ARID5B: variants seen among roughly 807,000 people sequenced by gnomAD.
The protein encoded by ARID5B is AT-rich interaction domain 5B.
ARID5B carries 13 observed loss-of-function variants against 97.2 expected under a neutral mutation model. The ratio of observed to expected loss-of-function variants is 0.13; its 90% CI spans 0.09 to 0.21. The LOEUF (loss-of-function observed/expected upper bound fraction) is 0.21, where lower values mean the gene tolerates loss of function less well. Among genes scored for constraint, ARID5B ranks in the 10% least tolerant of loss-of-function variants. The pLI, the probability that ARID5B is intolerant of heterozygous loss-of-function variation, is 1.00. For missense variants in ARID5B, 1,210 were observed against 1,465.3 expected (o/e 0.83, Z 2.84); for synonymous variants, 556 against 570.3 (o/e 0.97, Z 0.36).
Position 61,941,925 on chromosome 10 carries a change from T to G in ARID5B, c.502+1517T>G, listed in dbSNP as rs868310580. On this transcript the variant is annotated intron_variant, in intron 3 of 9. Coordinates refer to ENST00000279873, the MANE Select transcript of ARID5B (RefSeq NM_032199.3). ...TTGCGGTAATGCTGAATAATACATC[T>G]GTTGTGTTACTTTCCTAATGTATGA... Among the ~76,000 whole-genome samples the G allele has an allele frequency of 3.3e-5, 5 of 152,224 alleles. No individual in the cohort carries two copies. The South Asian group carries it at 1.0e-3, about 31-fold the overall frequency.
At chr10:62,035,971 C>T (rs1009766129) in intron 4 of ARID5B, among the ~76,000 whole-genome samples, 7 of 150,812 alleles carry the variant, frequency 4.6e-5, no homozygotes, top group Non-Finnish European at 7.4e-5. Flanking sequence ...ATTACAGGCG[C>T]CCGCCACCAT....
intron 3 of ARID5B, among the ~76,000 whole-genome samples, chr10:61,993,611 C>T (rs142037693): frequency 2.1e-3 from 312 of 151,874 alleles, no homozygotes; most frequent in Non-Finnish European, 3.3e-3. Flanking sequence ...CTTAGGTTTT[C>T]TGGAATAAAA....
chr10:62,020,752 A>G (rs1272680229), intron 4 of ARID5B, among the ~76,000 whole-genome samples: 2 of 152,126 alleles, frequency 1.3e-5, no homozygotes, highest in Non-Finnish European at 2.9e-5. Flanking sequence ...GCCAGAGAAG[A>G]GAATTAAGCA....
intron 3 of ARID5B, among the ~76,000 whole-genome samples, chr10:61,969,246 C>T (rs1274828556): frequency 1.3e-5 from 2 of 152,148 alleles, no homozygotes; most frequent in Non-Finnish European, 2.9e-5. Flanking sequence ...TCAGCAAGTC[C>T]TAAAATGCTT....
At chr10:61,980,396 G>A (rs904860245) in intron 3 of ARID5B, among the ~76,000 whole-genome samples, 3 of 152,008 alleles carry the variant, frequency 2.0e-5, no homozygotes, top group East Asian at 1.9e-4. Flanking sequence ...ATAAGGCATC[G>A]CCTTGATTTC....
At chr10:61,950,527 G>A (rs1465109514) in intron 3 of ARID5B, among the ~76,000 whole-genome samples, 1 of 152,126 alleles carries the variant, frequency 6.6e-6, no homozygotes, top group African/African-American at 2.4e-5. Flanking sequence ...AAAATTAGCT[G>A]AGTTTGGTGA....
At chr10:62,070,000 T>C (rs773453536) in intron 8 of ARID5B, among the ~76,000 whole-genome samples, 2 of 151,876 alleles carry the variant, frequency 1.3e-5, no homozygotes, top group Non-Finnish European at 2.9e-5. Flanking sequence ...GATGTTCTTT[T>C]AGTTTGGTTC....
At chr10:62,063,871 T>G (rs1179501713) in intron 7 of ARID5B, among the ~76,000 whole-genome samples, 1 of 152,184 alleles carries the variant, frequency 6.6e-6, no homozygotes, top group Non-Finnish European at 1.5e-5. Flanking sequence ...GAAGAGTAGC[T>G]TGGGGTATTA....
Position 62,093,638 on chromosome 10 carries a change from A to G in ARID5B, c.*608A>G, listed in dbSNP as rs948452548. Reference sequence around the variant, plus strand: ...TATACAGGTAGTTCCATTTTCTCCCAGTTCCTTCTCGTCTTTTTTTTTTTT... The same window carrying G: ...TATACAGGTAGTTCCATTTTCTCCCGGTTCCTTCTCGTCTTTTTTTTTTTT... On this transcript the variant is annotated 3_prime_UTR_variant, in exon 10 of 10. Transcript: ENST00000279873. The G allele has an allele frequency of 1.1e-5, 2 of 187,268 alleles. No homozygotes were observed. Among genetic ancestry groups the G allele is most frequent in the African/African-American group, 5.7e-5 (2 of 35,094 alleles). The allele number at this position is 187,268 out of a possible 1,614,324, so 11.6% of individuals were successfully genotyped here.
rs199858083 is a variant in ARID5B at position 62,087,868 on chromosome 10, A to ATT, written c.1398+1981_1398+1982dup. Among the ~76,000 whole-genome samples, 507 of 144,820 alleles carry ATT rather than the reference A, an allele frequency of 3.5e-3. 4 individuals carry two copies. Among genetic ancestry groups the ATT allele is most frequent in the African/African-American group, 0.012 (460 of 39,626 alleles). ...GGGGAGGAGGAAGAAGATGATGCAG[A>ATT]TTTTTTTTTTTTTTGAGACAGAGTC... On this transcript the variant is annotated intron_variant, in intron 9 of 9. Coordinates refer to ENST00000279873, the MANE Select transcript of ARID5B (RefSeq NM_032199.3).
chr10:61,926,202 A>C (rs1844103102), intron 2 of ARID5B, among the ~76,000 whole-genome samples: 1 of 152,238 alleles, frequency 6.6e-6, no homozygotes, highest in Non-Finnish European at 1.5e-5. Context: ...TTTGGGAACA[A>C]AAACACGATA....
At chr10:62,056,748 GT>G (rs1839861599) in intron 5 of ARID5B, among the ~76,000 whole-genome samples, 1 of 152,144 alleles carries the variant, frequency 6.6e-6, no homozygotes, top group Non-Finnish European at 1.5e-5. Flanking sequence ...AGCTGGCATA[GT>G]TTGGCAAACT....
chr10:62,088,929 T>C (rs575530154), intron 9 of ARID5B, among the ~76,000 whole-genome samples: 35 of 152,304 alleles, frequency 2.3e-4, no homozygotes, highest in African/African-American at 8.4e-4. Flanking sequence ...GATCATAAAA[T>C]GTCTTACTAG....
rs141944818 is a variant in ARID5B, at chr10:61,991,300, C to T, written c.503-8791C>T. Among the ~76,000 whole-genome samples the T allele has an allele frequency of 5.1e-4, 78 of 152,296 alleles. No homozygotes were observed. In the East Asian group the frequency reaches 0.011, roughly 22 times the overall value. On this transcript the variant is annotated intron_variant, in intron 3 of 9. Transcript: ENST00000279873. ...TTTTCATCATGGCTGCACCATTTTA[C>T]ATTCCCACCAACAATGCACAGGGGT... is the stretch of plus-strand genomic sequence containing the variant.
In ARID5B at chr10:62,013,815, T is replaced by TATATAC. The variant is rs915920250; in HGVS notation, c.733+13495_733+13496insTATACA. Among the ~76,000 whole-genome samples the TATATAC allele has an allele frequency of 3.1e-4, 45 of 147,380 alleles. 1 individual carries two copies. In the East Asian group the frequency reaches 3.5e-3, roughly 11 times the overall value. On this transcript the variant is annotated intron_variant, in intron 4 of 9. Transcript: ENST00000279873. ...TTGGGTATATATATATATATATATA[T>TATATAC]ACCACATTTTCTCTTTTAATTTTTA...
intron 8 of ARID5B, 140 bp downstream of exon 8, chr10:62,069,937 G>A (rs1000568906): frequency 2.9e-5 from 21 of 735,706 alleles, no homozygotes; most frequent in Admixed American, 8.8e-5. Flanking sequence ...TTTGCATACC[G>A]CCTTGTGATT....
chr10:61,952,880 C>T (rs982583028), intron 3 of ARID5B, among the ~76,000 whole-genome samples: 1 of 151,636 alleles, frequency 6.6e-6, no homozygotes, highest in Non-Finnish European at 1.5e-5. Context: ...GGACATTTTA[C>T]ATCTTAATAG....
Position 62,092,832 on chromosome 10 carries a change from G to A in ARID5B, c.3369G>A (p.Ser1123=), listed in dbSNP as rs370448395. ...TCATGCAGCCCCTGGCTTTCCACTCGCTTGTGATGCAAAGAGGAATTTTTA... is the reference window on the plus strand; with the variant it reads ...TCATGCAGCCCCTGGCTTTCCACTCACTTGTGATGCAAAGAGGAATTTTTA... ...SPLMQPLAFH[S]LVMQRGIFTS... Residue 1123 remains serine (S), a synonymous_variant, in exon 10 of 10, where the codon TCG becomes TCA. Coordinates refer to ENST00000279873, the MANE Select transcript of ARID5B (RefSeq NM_032199.3). 4.0e-5 allele frequency: 65 copies of A among 1,614,186 alleles called. No individual in the cohort carries two copies. In the Middle Eastern group the frequency reaches 8.2e-4, roughly 20 times the overall value.
intron 3 of ARID5B, among the ~76,000 whole-genome samples, chr10:61,951,545 T>A (rs1362656253): frequency 6.6e-6 from 1 of 152,202 alleles, no homozygotes; most frequent in Admixed American, 6.5e-5. Context: ...GTTACAGGAG[T>A]ATCCAGTGAA....
Sources: allele counts gnomAD v4.1 joint callset (sites outside exome capture counted in the v4.1 genomes callset), GRCh38; gene constraint gnomAD v4.1.1; transcripts MANE v1.5; gene names NCBI Gene and HGNC (gene_info 2026-07-23, HGNC 2026-07-21).